The following ICA1 variants were observed in gnomAD, a reference collection of about 807,000 sequenced individuals.
The protein encoded by ICA1 is islet cell autoantigen 1.
Under a neutral mutation model 71.0 loss-of-function variants are expected in ICA1, and 40 were observed. That is an observed-to-expected ratio of 0.56 (90% CI 0.44 to 0.73). The LOEUF is 0.73. Among genes scored for constraint, ICA1 ranks in the 30% least tolerant of loss-of-function variants. The pLI, the probability that ICA1 is intolerant of heterozygous loss-of-function variation, is 0.00. For missense variants in ICA1, 578 were observed against 576.5 expected (o/e 1.00, Z -0.03); for synonymous variants, 207 against 209.5 (o/e 0.99, Z 0.10).
intron 7 of ICA1, 191 bp downstream of exon 7, chr7:8,158,336 T>C (rs960409727): frequency 4.8e-6 from 3 of 621,686 alleles, no homozygotes; most frequent in Non-Finnish European, 8.2e-6. Flanking sequence ...TTATGGTATA[T>C]ACAGGAAATA....
intron 12 of ICA1, among the ~76,000 whole-genome samples, chr7:8,133,710 C>A (rs188358816): frequency 2.0e-5 from 3 of 152,248 alleles, no homozygotes; most frequent in Non-Finnish European, 4.4e-5. Context: ...CAGTCAAGCA[C>A]GAATGCAGCC....
At chr7:8,158,464 A>C (rs536012620) in intron 7 of ICA1, 63 bp downstream of exon 7, 1 of 1,591,654 alleles carries the variant, frequency 6.3e-7, no homozygotes. Flanking sequence ...CTCAAACACC[A>C]TTTTGATGTT....
rs570829934 is a variant in ICA1 at position 8,122,294 on chromosome 7, C to T, written c.1330+5579G>A. 4.1e-4 allele frequency among the ~76,000 whole-genome samples: 63 copies of T among 152,318 alleles called. 1 individual carries two copies. The Middle Eastern group carries it at 0.017, about 41-fold the overall frequency. The stretch of plus-strand genomic sequence containing the variant: ...GTGGGAGGTGTGGACAGTGAGGAGA[C>T]AGTCGTGTCCTAAAGGACCTTGGAA... On this transcript the variant is annotated intron_variant, in intron 13 of 13. Coordinates refer to ENST00000402384, the MANE Select transcript of ICA1 (RefSeq NM_001136020.3).
chr7:8,215,961 A>C (rs1463447307), intron 6 of ICA1, among the ~76,000 whole-genome samples: 1 of 152,230 alleles, frequency 6.6e-6, no homozygotes, highest in Non-Finnish European at 1.5e-5. Context: ...GGGACAAAAC[A>C]CTAAAGCTTG....
At chr7:8,141,531 G>A (rs1331058021) in intron 10 of ICA1, among the ~76,000 whole-genome samples, 1 of 152,206 alleles carries the variant, frequency 6.6e-6, no homozygotes, top group Admixed American at 6.5e-5. Flanking sequence ...TGCTGCTGAT[G>A]TGACTGTGAT....
In ICA1 at chr7:8,221,487, C is replaced by G. The variant is rs914771582; in HGVS notation, c.257-89G>C. ...AAAGACAAATCACAAGGTCCTCTCT[C>G]TTCCAGAGGCGAAGACGAGATGAAA... is the stretch of plus-strand genomic sequence containing the variant. On this transcript the variant is annotated intron_variant, in intron 4 of 13. Coordinates refer to ENST00000402384, the MANE Select transcript of ICA1 (RefSeq NM_001136020.3). 7.0e-6 allele frequency: 10 copies of G among 1,427,370 alleles called. No homozygotes were observed. The African/African-American group carries it at 8.5e-5, about 12-fold the overall frequency. The allele number at this position is 1,427,370 out of a possible 1,614,324, so 88.4% of individuals were successfully genotyped here. A position where few individuals can be genotyped will look rare whatever the true frequency, so the allele number is the denominator to read the frequency against.
chr7:8,134,535 G>A (rs1792658130), intron 12 of ICA1, among the ~76,000 whole-genome samples: 1 of 152,024 alleles, frequency 6.6e-6, no homozygotes, highest in Admixed American at 6.5e-5. Context: ...CATCTCTCTG[G>A]TTTTCTCCCT....
chr7:8,141,272 G>A (rs867916764), intron 10 of ICA1, among the ~76,000 whole-genome samples: 1 of 152,164 alleles, frequency 6.6e-6, no homozygotes, highest in South Asian at 2.1e-4. Flanking sequence ...TCACCTGAGG[G>A]ATCAGGGGTT....
chr7:8,236,528 A>G (rs1381002133), intron 1 of ICA1, among the ~76,000 whole-genome samples: 3 of 152,232 alleles, frequency 2.0e-5, no homozygotes, highest in African/African-American at 7.2e-5. Context: ...ATATTTTATA[A>G]TCAACATTTT....
intron 6 of ICA1, among the ~76,000 whole-genome samples, chr7:8,176,201 C>G (rs573150758): frequency 1.3e-5 from 2 of 152,340 alleles, no homozygotes; most frequent in South Asian, 4.1e-4. Flanking sequence ...GTCTCCTTTC[C>G]CATGTTACCT....
At chr7:8,231,489 G>A (rs1184648919) in intron 3 of ICA1, among the ~76,000 whole-genome samples, 1 of 152,040 alleles carries the variant, frequency 6.6e-6, no homozygotes, top group East Asian at 1.9e-4. Flanking sequence ...ATAAACCTTA[G>A]CCATCACTCT....
intron 10 of ICA1, among the ~76,000 whole-genome samples, 153 bp downstream of exon 10, chr7:8,141,612 C>A (rs547837493): frequency 6.6e-6 from 1 of 152,254 alleles, no homozygotes; most frequent in East Asian, 1.9e-4. Context: ...GATATCTGAA[C>A]ATTTAGAACT....
At position 8,157,103 on chromosome 7, in the gene ICA1, C is replaced by T. The variant is rs147421695; in HGVS notation, c.804+13G>A. The T allele has an allele frequency of 6.2e-7, 1 of 1,614,168 alleles. No individual in the cohort carries two copies. The highest frequency in any genetic ancestry group is 8.5e-7 in the Non-Finnish European group (1 of 1,180,038). On this transcript the variant is annotated intron_variant, in intron 8 of 13. Coordinates refer to ENST00000402384, the MANE Select transcript of ICA1 (RefSeq NM_001136020.3). The stretch of plus-strand genomic sequence containing the variant: ...TTCTCAAGATTTTCTAGTGGCCCCT[C>T]TAGCTTCCATACCTTTAAAGTAGTA...
intron 6 of ICA1, among the ~76,000 whole-genome samples, chr7:8,216,374 AAATTG>A (rs1795391352): frequency 6.6e-6 from 1 of 152,192 alleles, no homozygotes; most frequent in Admixed American, 6.5e-5. Context: ...TTTAGCTGTT[AAATTG>A]AATCCAGCAC....
At chr7:8,169,199 G>A (rs1807334817) in intron 6 of ICA1, among the ~76,000 whole-genome samples, 1 of 152,028 alleles carries the variant, frequency 6.6e-6, no homozygotes. Flanking sequence ...TTAGTAGTGT[G>A]TTCTTTTTTA....
intron 1 of ICA1, among the ~76,000 whole-genome samples, chr7:8,242,791 A>G (rs1281359562): frequency 6.6e-6 from 1 of 152,248 alleles, no homozygotes; most frequent in East Asian, 1.9e-4. Flanking sequence ...AAACACCTCG[A>G]TGCAAATAAA....
At chr7:8,259,364 G>A (rs1811429012) in intron 1 of ICA1, among the ~76,000 whole-genome samples, 1 of 152,126 alleles carries the variant, frequency 6.6e-6, no homozygotes, top group Admixed American at 6.5e-5. Context: ...GAACAAATTA[G>A]ATTTGTTTTG....
At chr7:8,255,779 C>CTTTTTTTTTTTTTTTT (rs573673718) in intron 1 of ICA1, among the ~76,000 whole-genome samples, 3 of 132,930 alleles carry the variant, frequency 2.3e-5, no homozygotes, top group African/African-American at 9.1e-5. Context: ...ACTTCTTTCT[C>CTTTTTTTTTTTTTTTT]TTTTTTTTTT....
intron 6 of ICA1, among the ~76,000 whole-genome samples, chr7:8,191,568 A>G (rs1235172048): frequency 1.3e-5 from 2 of 152,156 alleles, no homozygotes; most frequent in Non-Finnish European, 2.9e-5. Flanking sequence ...GTGGTAAGCT[A>G]TGCTGTTTGG....
Sources: gnomAD v4.1 joint callset for allele counts (sites outside exome capture counted in the v4.1 genomes callset) on GRCh38, gnomAD v4.1.1 for gene constraint, MANE v1.5 for transcripts, NCBI Gene and HGNC (gene_info 2026-07-23, HGNC 2026-07-21) for gene names.